The following GLI2 variants were observed in gnomAD, a reference collection of about 807,000 sequenced individuals.
GLI2 encodes the protein transcription activator GLI2.
Under a neutral mutation model 78.9 loss-of-function variants are expected in GLI2, and 22 were observed. The observed-to-expected ratio is 0.28, with a 90% CI of 0.20 to 0.40. GLI2 has a LOEUF of 0.40. Among genes scored for constraint, GLI2 ranks in the 10% least tolerant of loss-of-function variants. GLI2 has a pLI of 1.00. For synonymous variants in GLI2, 974 were observed against 963.7 expected (o/e 1.01, Z -0.20); for missense variants, 2,097 against 2,213.2 (o/e 0.95, Z 1.05).
chr2:120,929,322 A>C (rs539153735), intron 3 of GLI2, among the ~76,000 whole-genome samples: 1 of 152,348 alleles, frequency 6.6e-6, no homozygotes, highest in South Asian at 2.1e-4. Context: ...CGTAATTAAT[A>C]AGTATTTTGT....
intron 2 of GLI2, among the ~76,000 whole-genome samples, chr2:120,879,246 C>T (rs1688918865): frequency 6.6e-6 from 1 of 152,138 alleles, no homozygotes; most frequent in African/African-American, 2.4e-5. Flanking sequence ...AGACTTGTTC[C>T]CAGGACAATG....
At chr2:120,902,185 A>ACCCCCCCCCCCCCCCCC (rs11358856) in intron 2 of GLI2, among the ~76,000 whole-genome samples, 1 of 116,344 alleles carries the variant, frequency 8.6e-6, no homozygotes, top group African/African-American at 3.3e-5. Flanking sequence ...ATTGACACCC[A>ACCCCCCCCCCCCCCCCC]CCCCCCCCCA....
At chr2:120,799,751 T>C (rs1684605335) in intron 2 of GLI2, among the ~76,000 whole-genome samples, 1 of 152,056 alleles carries the variant, frequency 6.6e-6, no homozygotes, top group Non-Finnish European at 1.5e-5. Flanking sequence ...GTGGCAGAGG[T>C]GCATGAGCAA....
intron 2 of GLI2, among the ~76,000 whole-genome samples, chr2:120,878,649 T>C (rs1394343891): frequency 6.6e-6 from 1 of 152,202 alleles, no homozygotes; most frequent in African/African-American, 2.4e-5. Context: ...TTTAAAAATC[T>C]TTCGGCCAGG....
intron 3 of GLI2, among the ~76,000 whole-genome samples, chr2:120,949,577 G>T (rs1680879571): frequency 1.3e-5 from 2 of 152,212 alleles, no homozygotes; most frequent in Non-Finnish European, 2.9e-5. Flanking sequence ...CTTCAGGGAG[G>T]GTGCCACCTG....
intron 1 of GLI2, among the ~76,000 whole-genome samples, chr2:120,752,659 T>TGG: frequency 6.6e-6 from 1 of 152,250 alleles, no homozygotes; most frequent in African/African-American, 2.4e-5. Flanking sequence ...TATACATACA[T>TGG]TATAAAGTTT....
At chr2:120,966,502 C>G (rs190522963) in intron 5 of GLI2, among the ~76,000 whole-genome samples, 2 of 152,340 alleles carry the variant, frequency 1.3e-5, no homozygotes, top group African/African-American at 4.8e-5. Context: ...CCCCTCATCC[C>G]ATGAAAGAGG....
intron 2 of GLI2, among the ~76,000 whole-genome samples, chr2:120,819,459 C>T (rs1448217806): frequency 6.6e-6 from 1 of 151,982 alleles, no homozygotes; most frequent in Non-Finnish European, 1.5e-5. Flanking sequence ...AGGCTGGTCT[C>T]GAACTCCTGA....
intron 5 of GLI2, among the ~76,000 whole-genome samples, chr2:120,956,225 G>C (rs927232431): frequency 6.6e-6 from 1 of 152,126 alleles, no homozygotes. Context: ...GGAATATAGA[G>C]TTGAAAGAAA....
intron 8 of GLI2, among the ~76,000 whole-genome samples, chr2:120,972,972 A>C (rs534225276): frequency 6.6e-6 from 1 of 152,222 alleles, no homozygotes; most frequent in East Asian, 1.9e-4. Flanking sequence ...CTGGTCCCCC[A>C]AGCCCTCTCA....
chr2:120,890,463 A>G (rs1677625667), intron 2 of GLI2, among the ~76,000 whole-genome samples: 1 of 152,072 alleles, frequency 6.6e-6, no homozygotes, highest in African/African-American at 2.4e-5. Context: ...ATATATATAC[A>G]CATAAAACTA....
intron 1 of GLI2, among the ~76,000 whole-genome samples, chr2:120,776,134 G>A (rs1683670912): frequency 6.6e-6 from 1 of 152,266 alleles, no homozygotes; most frequent in South Asian, 2.1e-4. Flanking sequence ...GGGCAGGTGA[G>A]GGATGAGATG....
At chr2:120,879,816 C>T (rs918967491) in intron 2 of GLI2, among the ~76,000 whole-genome samples, 11 of 152,190 alleles carry the variant, frequency 7.2e-5, no homozygotes, top group Non-Finnish European at 1.5e-4. Context: ...GAGCTTGTAA[C>T]CTATGAGAGC....
intron 1 of GLI2, among the ~76,000 whole-genome samples, chr2:120,751,064 G>A (rs922859365): frequency 2.6e-5 from 4 of 152,212 alleles, no homozygotes; most frequent in Non-Finnish European, 5.9e-5. Context: ...AAAGGTACAC[G>A]TGGCCTCCTG....
At position 120,977,884 on chromosome 2, in the gene GLI2, A is replaced by G. The variant is rs548414365; in HGVS notation, c.1318-550A>G. 1.2e-4 allele frequency among the ~76,000 whole-genome samples: 19 copies of G among 152,346 alleles called. No homozygotes were observed. In the East Asian group the frequency reaches 3.7e-3, roughly 29 times the overall value. The stretch of plus-strand genomic sequence containing the variant: ...GACAAAGCCATTATCTCATGGGTCA[A>G]TGCCAAAAATAGAGATAAGCATGTG... On this transcript the variant is annotated intron_variant, in intron 9 of 13. Transcript: ENST00000361492.
intron 2 of GLI2, among the ~76,000 whole-genome samples, chr2:120,832,381 A>C (rs2104770984): frequency 6.6e-6 from 1 of 152,294 alleles, no homozygotes; most frequent in Non-Finnish European, 1.5e-5. Flanking sequence ...AGGCTGCCTG[A>C]GGCACGGGGT....
At chr2:120,756,991 G>A (rs968322310) in intron 1 of GLI2, among the ~76,000 whole-genome samples, 6 of 152,052 alleles carry the variant, frequency 3.9e-5, no homozygotes, top group Non-Finnish European at 7.4e-5. Context: ...ATTTCTTCAA[G>A]TTTACAGATC....
intron 2 of GLI2, among the ~76,000 whole-genome samples, chr2:120,888,239 A>G (rs1235309118): frequency 6.6e-6 from 1 of 152,198 alleles, no homozygotes; most frequent in East Asian, 1.9e-4. Flanking sequence ...CTGGGGGTAA[A>G]CACTCTTAGT....
chr2:120,933,493 C>T (rs933260961), intron 3 of GLI2, among the ~76,000 whole-genome samples: 9 of 152,230 alleles, frequency 5.9e-5, no homozygotes, highest in Non-Finnish European at 1.0e-4. Flanking sequence ...TGTACAAGGG[C>T]GAGAAGAGAA....
Sources: allele counts gnomAD v4.1 joint callset (sites outside exome capture counted in the v4.1 genomes callset), GRCh38; gene constraint gnomAD v4.1.1; transcripts MANE v1.5; gene names NCBI Gene and HGNC (gene_info 2026-07-23, HGNC 2026-07-21).